The following ZNF865 variants were observed in gnomAD, a reference collection of about 807,000 sequenced individuals.
The protein encoded by ZNF865 is zinc finger protein 865.
For missense variants in ZNF865, 1,311 were observed against 1,593.4 expected, an observed-to-expected ratio of 0.82 and a Z score of 3.02; for synonymous variants, 763 against 750.8, an observed-to-expected ratio of 1.02 and a Z score of -0.27.
Position 55,613,802 on chromosome 19 carries a change from C to T in ZNF865, c.184C>T (p.Pro62Ser). ...AKAVAALPCAPGPPPQPPPQP... is the reference protein window; with the variant it reads ...AKAVAALPCASGPPPQPPPQP... ...GGCGGTGGCGGCCCTGCCCTGCGCC[C>T]CCGGCCCCCCGCCGCAGCCCCCGCC... The change falls in exon 2 of 2, where the codon CCC (proline) becomes TCC (serine). Residue 62 changes from proline to serine, a missense_variant. By Grantham distance (74) the Pro-to-Ser change is moderately conservative. Transcript: ENST00000568956. The T allele has an allele frequency of 6.6e-7, 1 of 1,511,468 alleles. No homozygotes were observed. Among genetic ancestry groups the T allele is most frequent in the Non-Finnish European group, 8.8e-7 (1 of 1,134,476 alleles). 93.6% of individuals were successfully genotyped at this position (1,511,468 alleles called of 1,614,324 possible).
chr19:55,617,108 C>A lies in ZNF865; in HGVS notation c.*310C>A, dbSNP rs1019084254. The A allele has an allele frequency of 2.5e-5, 7 of 283,926 alleles. No individual in the cohort carries two copies. Among genetic ancestry groups the A allele is most frequent in the Non-Finnish European group, 2.0e-5 (3 of 153,016 alleles). The allele number at this position is 283,926 out of a possible 1,614,324, so 17.6% of individuals were successfully genotyped here. ...AGTTTTGGCGGAGATGGGTCTGAACCGCCCCTCCCCCTCCTTTGGAATCTG... is the reference window on the plus strand; with the variant it reads ...AGTTTTGGCGGAGATGGGTCTGAACAGCCCCTCCCCCTCCTTTGGAATCTG... On this transcript the variant is annotated 3_prime_UTR_variant, in exon 2 of 2. Coordinates refer to ENST00000568956, the MANE Select transcript of ZNF865 (RefSeq NM_001195605.2).
Position 55,615,041 on chromosome 19 carries a change from G to A in ZNF865, c.1423G>A (p.Asp475Asn), listed in dbSNP as rs1482813723. ...PPAAAAEAPK[D>N]GAASAPQPPP... is the part of the protein sequence containing the mutation. Reference sequence around the variant, plus strand: ...CGCTGCCGCTGCGGAGGCGCCCAAGGACGGGGCGGCCTCGGCCCCGCAGCC... The same window carrying A: ...CGCTGCCGCTGCGGAGGCGCCCAAGAACGGGGCGGCCTCGGCCCCGCAGCC... Residue 475 changes from aspartate (D) to asparagine (N), a missense_variant, in exon 2 of 2, where the codon GAC (aspartate) becomes AAC (asparagine). Physicochemically the swap from Asp to Asn is conservative, Grantham distance 23. Coordinates refer to ENST00000568956, the MANE Select transcript of ZNF865 (RefSeq NM_001195605.2). 1.6e-6 allele frequency: 2 copies of A among 1,280,654 alleles called. No homozygotes were observed. Among genetic ancestry groups the A allele is most frequent in the Non-Finnish European group, 2.0e-6 (2 of 1,014,808 alleles). 79.3% of individuals were successfully genotyped at this position (1,280,654 alleles called of 1,614,324 possible). A position where few individuals can be genotyped will look rare whatever the true frequency, so the allele number is the denominator to read the frequency against.
chr19:55,616,521 GCTT>G lies in ZNF865; in HGVS notation c.2909_2911del (p.Phe970del). On this transcript the variant is annotated inframe_deletion, in exon 2 of 2. Coordinates refer to ENST00000568956, the MANE Select transcript of ZNF865 (RefSeq NM_001195605.2). ...TACCGCTGTGAGCACTGCGGCAAGG[GCTT>G]CTTCTACCTGAGCTCCGTGCTGCGC... The G allele has an allele frequency of 6.5e-7, 1 of 1,534,700 alleles. No individual in the cohort carries two copies. Among genetic ancestry groups the G allele is most frequent in the Non-Finnish European group, 8.7e-7 (1 of 1,146,246 alleles).
At position 55,611,193 on chromosome 19, in the gene ZNF865, G is replaced by C. The variant is rs1364437003; in HGVS notation, c.-26-2400G>C. Among the ~76,000 whole-genome samples, 1 of 152,086 alleles carries C rather than the reference G, an allele frequency of 6.6e-6. No homozygotes were observed. The highest frequency in any genetic ancestry group is 1.5e-5 in the Non-Finnish European group (1 of 68,008). ...CGGCGGGAACAGCTGCCCCTATTTA[G>C]AGTTGTGGGGAGTCAGTGAATTAAT... On this transcript the variant is annotated intron_variant, in intron 1 of 1. Coordinates refer to ENST00000568956, the MANE Select transcript of ZNF865 (RefSeq NM_001195605.2). This position sits in a 1 kb window ranked among gnomAD's most constrained non-coding sequence, Gnocchi z 4.5.
At position 55,615,190 on chromosome 19, in the gene ZNF865, C is replaced by T. The variant is rs1466645929; in HGVS notation, c.1572C>T (p.Gly524=). 4.3e-6 allele frequency: 6 copies of T among 1,404,362 alleles called. No individual in the cohort carries two copies. The highest frequency in any genetic ancestry group is 3.7e-6 in the Non-Finnish European group (4 of 1,090,970). 87.0% of individuals were successfully genotyped at this position (1,404,362 alleles called of 1,614,324 possible). A position where few individuals can be genotyped will look rare whatever the true frequency, so the allele number is the denominator to read the frequency against. The change falls in exon 2 of 2, where the codon GGC becomes GGT. Residue 524 remains glycine (G), a synonymous_variant. Coordinates refer to ENST00000568956, the MANE Select transcript of ZNF865 (RefSeq NM_001195605.2). ...GCGCTGTGCCCGTCCCGCTCCTGGG[C>T]GCCCACCCGCTGCTGCTCGGCGGCG... ...VYGAVPVPLL[G]AHPLLLGGAG...
Position 55,613,830 on chromosome 19 carries a change from A to G in ZNF865, c.212A>G (p.Gln71Arg), listed in dbSNP as rs1325952063. Reference sequence around the variant, plus strand: ...GGCCCCCCGCCGCAGCCCCCGCCGCAGCCCCCTCCCCCGCAGTATGACTAC... The same window carrying G: ...GGCCCCCCGCCGCAGCCCCCGCCGCGGCCCCCTCCCCCGCAGTATGACTAC... ...APGPPPQPPP[Q>R]PPPPQYDYPP... The change falls in exon 2 of 2, where the codon CAG becomes CGG. Residue 71 changes from glutamine (Q) to arginine (R), a missense_variant. Transcript: ENST00000568956. The G allele has an allele frequency of 5.3e-6, 4 of 757,422 alleles. No individual in the cohort carries two copies. In the South Asian group the frequency reaches 1.6e-4, roughly 30 times the overall value. 46.9% of individuals were successfully genotyped at this position (757,422 alleles called of 1,614,324 possible). A position where few individuals can be genotyped will look rare whatever the true frequency, so the allele number is the denominator to read the frequency against.
chr19:55,610,148 A>G (rs1364404519), intron 1 of ZNF865, among the ~76,000 whole-genome samples: 1 of 152,166 alleles, frequency 6.6e-6, no homozygotes, highest in African/African-American at 2.4e-5. Flanking sequence ...AAATACCAAG[A>G]TAGACATTCA....
intron 1 of ZNF865, among the ~76,000 whole-genome samples, chr19:55,606,022 C>T (rs1378495715): frequency 6.6e-6 from 1 of 152,180 alleles, no homozygotes; most frequent in African/African-American, 2.4e-5. Context: ...ATCCCCTCCA[C>T]ATAGCGCTCC....
In ZNF865 at chr19:55,614,971, G is replaced by A. The variant is rs1197785358; in HGVS notation, c.1353G>A (p.Ser451=). The change falls in exon 2 of 2, where the codon TCG becomes TCA. Residue 451 remains serine (S), a synonymous_variant. Coordinates refer to ENST00000568956, the MANE Select transcript of ZNF865 (RefSeq NM_001195605.2). This position sits in a 1 kb window ranked among gnomAD's most constrained non-coding sequence, Gnocchi z 8.0. The part of the protein sequence containing the change: ...YPCDLCGKSY[S]APQSLLRHKA... ...GCGACCTGTGCGGCAAGTCCTACTC[G>A]GCTCCGCAGAGCCTGCTCCGCCACA... 8.3e-6 allele frequency: 12 copies of A among 1,437,342 alleles called. No homozygotes were observed. Among genetic ancestry groups the A allele is most frequent in the Middle Eastern group, 1.8e-4 (1 of 5,440 alleles). The allele number at this position is 1,437,342 out of a possible 1,614,324, so 89.0% of individuals were successfully genotyped here. A position where few individuals can be genotyped will look rare whatever the true frequency, so the allele number is the denominator to read the frequency against.
intron 1 of ZNF865, among the ~76,000 whole-genome samples, chr19:55,610,450 G>A (rs1330715193): frequency 6.6e-6 from 1 of 152,090 alleles, no homozygotes; most frequent in East Asian, 1.9e-4. Flanking sequence ...TAGTAGAGAC[G>A]GGGTTTCGCC....
At position 55,615,176 on chromosome 19, in the gene ZNF865, G is replaced by A. The variant is rs1981306567; in HGVS notation, c.1558G>A (p.Val520Ile). ...AAAVVYGAVP[V>I]PLLGAHPLLL... ...GGCGGTGGTGTACGGCGCTGTGCCC[G>A]TCCCGCTCCTGGGCGCCCACCCGCT... Residue 520 changes from valine (V) to isoleucine (I), a missense_variant, in exon 2 of 2, where the codon GTC (valine) becomes ATC (isoleucine). Coordinates refer to ENST00000568956, the MANE Select transcript of ZNF865 (RefSeq NM_001195605.2). 8.0e-6 allele frequency: 11 copies of A among 1,378,594 alleles called. No individual in the cohort carries two copies. Among genetic ancestry groups the A allele is most frequent in the South Asian group, 1.6e-5 (1 of 64,002 alleles). The allele number at this position is 1,378,594 out of a possible 1,614,324, so 85.4% of individuals were successfully genotyped here.
At position 55,614,953 on chromosome 19, in the gene ZNF865, G is replaced by T. The variant is rs926884548; in HGVS notation, c.1335G>T (p.Leu445=). 1 of 1,471,778 alleles carries T rather than the reference G, an allele frequency of 6.8e-7. No homozygotes were observed. The highest frequency in any genetic ancestry group is 1.4e-5 in the African/African-American group (1 of 69,178). The allele number at this position is 1,471,778 out of a possible 1,614,324, so 91.2% of individuals were successfully genotyped here. Residue 445 remains leucine, a synonymous_variant, in exon 2 of 2, where the codon CTG becomes CTT. Coordinates refer to ENST00000568956, the MANE Select transcript of ZNF865 (RefSeq NM_001195605.2). This position sits in a 1 kb window ranked among gnomAD's most constrained non-coding sequence, Gnocchi z 8.0. The part of the protein sequence containing the change: ...GGPRPVYPCD[L]CGKSYSAPQS... ...CTCGGCCCGTGTACCCCTGCGACCT[G>T]TGCGGCAAGTCCTACTCGGCTCCGC...
intron 1 of ZNF865, among the ~76,000 whole-genome samples, chr19:55,606,361 C>A (rs558305708): frequency 6.6e-6 from 1 of 152,172 alleles, no homozygotes; most frequent in East Asian, 1.9e-4. Context: ...AAGCCACCCC[C>A]CCATCGCAGC....
chr19:55,616,286 T>C lies in ZNF865; in HGVS notation c.2668T>C (p.Tyr890His). The C allele has an allele frequency of 1.3e-6, 2 of 1,519,160 alleles. No individual in the cohort carries two copies. Among genetic ancestry groups the C allele is most frequent in the Non-Finnish European group, 1.8e-6 (2 of 1,137,738 alleles). The allele number at this position is 1,519,160 out of a possible 1,614,324, so 94.1% of individuals were successfully genotyped here. ...VCGRGFLRSW[Y>H]LRQHRVVHTG... ...CGGCCGAGGCTTCCTGCGCTCCTGG[T>C]ACCTGCGGCAGCACCGCGTGGTGCA... The change falls in exon 2 of 2, where the codon TAC becomes CAC. Residue 890 changes from tyrosine to histidine, a missense_variant. Transcript: ENST00000568956.
At chr19:55,606,362 C>G (rs960745562) in intron 1 of ZNF865, among the ~76,000 whole-genome samples, 2 of 152,164 alleles carry the variant, frequency 1.3e-5, no homozygotes, top group Non-Finnish European at 2.9e-5. Flanking sequence ...AGCCACCCCC[C>G]CATCGCAGCG....
chr19:55,613,499 G>A, intron 1 of ZNF865, 94 bp from the exon 2 acceptor site: 4 of 1,189,380 alleles, frequency 3.4e-6, no homozygotes, highest in Non-Finnish European at 4.5e-6. Context: ...GGGGTGATCC[G>A]CACAAGGATG....
In ZNF865 at chr19:55,615,093, A is replaced by G. The variant is rs1407642654; in HGVS notation, c.1475A>G (p.Tyr492Cys). ...CCGCCCACCTTCCCCCCGGGCCCGT[A>G]CCTCCTGCCCCCCGACCCTCCCACC... ...QPPPTFPPGP[Y>C]LLPPDPPTTD... Residue 492 changes from tyrosine to cysteine, a missense_variant, in exon 2 of 2, where the codon TAC (tyrosine) becomes TGC (cysteine). Physicochemically the swap from Tyr to Cys is radical, Grantham distance 194 (BLOSUM62 -2). Transcript: ENST00000568956. 7 of 1,028,772 alleles carry G rather than the reference A, an allele frequency of 6.8e-6. No individual in the cohort carries two copies. Among genetic ancestry groups the G allele is most frequent in the East Asian group, 4.8e-5 (1 of 21,002 alleles). The allele number at this position is 1,028,772 out of a possible 1,614,324, so 63.7% of individuals were successfully genotyped here. A position where few individuals can be genotyped will look rare whatever the true frequency, so the allele number is the denominator to read the frequency against.
chr19:55,611,059 G>C lies in ZNF865; in HGVS notation c.-26-2534G>C, dbSNP rs1057252254. On this transcript the variant is annotated intron_variant, in intron 1 of 1. Transcript: ENST00000568956. The surrounding 1 kb of genome is among the most constrained non-coding windows in gnomAD (Gnocchi z 4.5). The stretch of plus-strand genomic sequence containing the variant: ...GGGAACAGCCCAGTGAAACACTGCT[G>C]TGGGGGCAAGGGTGGGAATGGGGTT... Among the ~76,000 whole-genome samples, 3 of 152,170 alleles carry C rather than the reference G, an allele frequency of 2.0e-5. No individual in the cohort carries two copies. Among genetic ancestry groups the C allele is most frequent in the Admixed American group, 2.0e-4 (3 of 15,282 alleles).
At chr19:55,610,815 G>C (rs1981106031) in intron 1 of ZNF865, among the ~76,000 whole-genome samples, 1 of 152,216 alleles carries the variant, frequency 6.6e-6, no homozygotes. Flanking sequence ...GGCTGGATGA[G>C]GGACTGGAGA....
Sources: allele counts gnomAD v4.1 joint callset (sites outside exome capture counted in the v4.1 genomes callset), GRCh38; gene constraint gnomAD v4.1.1; non-coding constraint Gnocchi (gnomAD v3.1); transcripts MANE v1.5; gene names NCBI Gene and HGNC (gene_info 2026-07-23, HGNC 2026-07-21).